Variants in ELF2 observed in about 807,000 individuals in gnomAD.
ELF2 encodes E74 like ETS transcription factor 2.
ELF2 carries 11 observed loss-of-function variants against 54.8 expected under a neutral mutation model. The ratio of observed to expected loss-of-function variants is 0.20; its 90% CI spans 0.13 to 0.33. ELF2 has a LOEUF of 0.33. Among genes scored for constraint, ELF2 ranks in the 10% least tolerant of loss-of-function variants. The pLI is 1.00. For missense variants in ELF2, 513 were observed against 703.0 expected, an observed-to-expected ratio of 0.73 and a Z score of 3.06; for synonymous variants, 203 against 245.1, an observed-to-expected ratio of 0.83 and a Z score of 1.61.
chr4:139,150,363 AT>A (rs1381749558), intron 1 of ELF2, among the ~76,000 whole-genome samples: 1 of 150,022 alleles, frequency 6.7e-6, no homozygotes, highest in Non-Finnish European at 1.5e-5. Context: ...GCAAAACTGC[AT>A]CTCAAAAAAA....
upstream of ELF2, chr4:139,177,219 G>T (rs1743050811): frequency 6.6e-6 from 1 of 150,670 alleles, no homozygotes; most frequent in Non-Finnish European, 1.5e-5. Context: ...TGGGAGCAAT[G>T]GTTGCCCCCG....
In ELF2 at chr4:139,139,205, G is replaced by A. The variant is rs137915670; in HGVS notation, c.-167+208C>T. On this transcript the variant is annotated intron_variant, in intron 2 of 9. Transcript: ENST00000686138. ...AGAATTTCCAGAAACTTCTAGAATA[G>A]AATGAAATACCTGAAAAAAAGCAGA... Among the ~76,000 whole-genome samples the A allele has an allele frequency of 6.9e-3, 1,056 of 151,978 alleles. 15 individuals are homozygous for A. The highest frequency in any genetic ancestry group is 0.024 in the African/African-American group (1,012 of 41,462).
chr4:139,177,776 C>G (rs900805326), upstream of ELF2, among the ~76,000 whole-genome samples: 4 of 152,184 alleles, frequency 2.6e-5, no homozygotes, highest in African/African-American at 9.7e-5. Context: ...TCACCGCATC[C>G]CCAACTCAGG....
intron 1 of ELF2, among the ~76,000 whole-genome samples, chr4:139,148,795 T>G (rs545720464): frequency 6.6e-6 from 1 of 152,314 alleles, no homozygotes; most frequent in South Asian, 2.1e-4. Context: ...TTTAACATTT[T>G]GAGGAAATGA....
intron 1 of ELF2, among the ~76,000 whole-genome samples, chr4:139,168,468 T>C (rs895210197): frequency 6.6e-6 from 1 of 152,198 alleles, no homozygotes; most frequent in Admixed American, 6.5e-5. Context: ...CCTGAGATGA[T>C]AGCCTACATT....
At chr4:139,171,239 A>T (rs902195627) in intron 1 of ELF2, among the ~76,000 whole-genome samples, 5 of 152,194 alleles carry the variant, frequency 3.3e-5, no homozygotes, top group Admixed American at 2.6e-4. Context: ...AAATAAAAAT[A>T]AAAAATTAAC....
At chr4:139,090,922 GTTTT>G (rs1732503236) in intron 4 of ELF2, among the ~76,000 whole-genome samples, 1 of 149,618 alleles carries the variant, frequency 6.7e-6, no homozygotes, top group South Asian at 2.1e-4. Flanking sequence ...GGTTTGTTTT[GTTTT>G]GTTTTGTTTT....
intron 4 of ELF2, among the ~76,000 whole-genome samples, chr4:139,114,702 A>T (rs573947157): frequency 5.0e-4 from 65 of 129,524 alleles, no homozygotes; most frequent in Admixed American, 1.3e-3. Context: ...GGCCCGCGCC[A>T]CGGAGTCAAT....
chr4:139,122,271 T>C (rs909073507), intron 4 of ELF2, among the ~76,000 whole-genome samples: 2 of 152,234 alleles, frequency 1.3e-5, no homozygotes, highest in African/African-American at 2.4e-5. Flanking sequence ...TGCCATCTTA[T>C]AAGCATTCCT....
chr4:139,063,432 C>CT (rs1728184819), intron 7 of ELF2, among the ~76,000 whole-genome samples: 1 of 151,984 alleles, frequency 6.6e-6, no homozygotes. Flanking sequence ...ATGGTAATTC[C>CT]TTAAAATTAG....
At chr4:139,089,871 C>A (rs1732394695) in intron 4 of ELF2, among the ~76,000 whole-genome samples, 1 of 152,154 alleles carries the variant, frequency 6.6e-6, no homozygotes, top group South Asian at 2.1e-4. Flanking sequence ...TTTTCTTAAA[C>A]ATGTATGCTA....
chr4:139,153,386 G>A (rs1261359560), intron 1 of ELF2, among the ~76,000 whole-genome samples: 2 of 152,040 alleles, frequency 1.3e-5, no homozygotes, highest in Non-Finnish European at 2.9e-5. Flanking sequence ...TGTGAGCTGA[G>A]ATTGTGCCAC....
In ELF2 at chr4:139,137,877, G is replaced by A; in HGVS notation, c.-166-10C>T. On this transcript the variant is annotated splice_polypyrimidine_tract_variant and intron_variant, in intron 2 of 9. Coordinates refer to ENST00000686138, the MANE Select transcript of ELF2 (RefSeq NM_001331036.3). The stretch of plus-strand genomic sequence containing the variant: ...TGATTAACCAGAAAGCCTAAAAAGA[G>A]GAAGAATTTGAAAAGTTATTTTAAA... 4 of 1,290,930 alleles carry A rather than the reference G, an allele frequency of 3.1e-6. No individual in the cohort carries two copies. The highest frequency in any genetic ancestry group is 3.9e-6 in the Non-Finnish European group (4 of 1,018,782). 80.0% of individuals were successfully genotyped at this position (1,290,930 alleles called of 1,614,324 possible). A position where few individuals can be genotyped will look rare whatever the true frequency, so the allele number is the denominator to read the frequency against.
At chr4:139,090,426 A>AT (rs1471462339) in intron 4 of ELF2, among the ~76,000 whole-genome samples, 7 of 152,256 alleles carry the variant, frequency 4.6e-5, no homozygotes, top group African/African-American at 1.7e-4. Flanking sequence ...AAGGATAAAT[A>AT]TTTTTTCAAA....
intron 4 of ELF2, chr4:139,117,799 C>G (rs2148822831): frequency 1.3e-5 from 2 of 152,954 alleles, no homozygotes; most frequent in Admixed American, 1.3e-4. Context: ...ACTAAAAATA[C>G]AAAAATTAGC....
At chr4:139,127,203 A>G (rs943624980) in intron 3 of ELF2, among the ~76,000 whole-genome samples, 16 of 152,170 alleles carry the variant, frequency 1.1e-4, no homozygotes, top group Admixed American at 5.2e-4. Flanking sequence ...TTGATCTACT[A>G]TGTGTTGGAG....
rs990240993 is a variant in ELF2, at chr4:139,107,828, T to C, written c.238+17336A>G. ...ACAAGTATGGGATAGCACCACATGATAAAACTGATAAATACCGGAAAGATC... is the reference window on the plus strand; with the variant it reads ...ACAAGTATGGGATAGCACCACATGACAAAACTGATAAATACCGGAAAGATC... On this transcript the variant is annotated intron_variant, in intron 4 of 9. Coordinates refer to ENST00000686138, the MANE Select transcript of ELF2 (RefSeq NM_001331036.3). 4.6e-5 allele frequency among the ~76,000 whole-genome samples: 7 copies of C among 152,116 alleles called. No homozygotes were observed. In the East Asian group the frequency reaches 1.3e-3, roughly 29 times the overall value.
At chr4:139,167,725 C>A (rs1488472163) in intron 1 of ELF2, among the ~76,000 whole-genome samples, 1 of 152,132 alleles carries the variant, frequency 6.6e-6, no homozygotes, top group Non-Finnish European at 1.5e-5. Context: ...TAAGCTGAAA[C>A]TCGATGAATT....
intron 1 of ELF2, among the ~76,000 whole-genome samples, chr4:139,176,303 G>A (rs561392465): frequency 1.3e-5 from 2 of 152,316 alleles, no homozygotes; most frequent in South Asian, 2.1e-4. Context: ...TAAAAGAACT[G>A]CCGAGTACAA....
Sources: allele counts gnomAD v4.1 joint callset (sites outside exome capture counted in the v4.1 genomes callset), GRCh38; gene constraint gnomAD v4.1.1; transcripts MANE v1.5; gene names NCBI Gene and HGNC (gene_info 2026-07-23, HGNC 2026-07-21).